Variants in DMGDH observed in about 807,000 individuals in gnomAD.
The protein encoded by DMGDH is dimethylglycine dehydrogenase, mitochondrial.
A neutral mutation model predicts 95.2 loss-of-function variants in DMGDH; 76 were observed. The observed-to-expected ratio is 0.80, with a 90% confidence interval of 0.66 to 0.97. DMGDH has a LOEUF of 0.97. Ranked by LOEUF, DMGDH falls within the 50% of genes least tolerant of loss-of-function variation. The pLI, the probability that DMGDH is intolerant of heterozygous loss-of-function variation, is 0.00. For synonymous variants in DMGDH, 345 were observed against 377.6 expected, an observed-to-expected ratio of 0.91 and a Z score of 1.00; for missense variants, 987 against 1,055.0, an observed-to-expected ratio of 0.94 and a Z score of 0.89.
In DMGDH at chr5:79,036,498, T is replaced by C. The variant is rs79433542; in HGVS notation, c.1194-3090A>G. Among the ~76,000 whole-genome samples, 1,322 of 152,344 alleles carry C rather than the reference T, an allele frequency of 8.7e-3. 19 individuals carry two copies. The highest frequency in any genetic ancestry group is 0.03 in the African/African-American group (1,264 of 41,574). On this transcript the variant is annotated intron_variant, in intron 7 of 15. Transcript: ENST00000255189. ...GCCAAGAAAATCAGATTCAATTAAA[T>C]ACAATTCATAAGACTTTTTTGGGCA...
chr5:79,054,152 A>T (rs1754948785), intron 4 of DMGDH, 32 bp downstream of exon 4: 1 of 1,610,996 alleles, frequency 6.2e-7, no homozygotes, highest in East Asian at 2.2e-5. Context: ...ACTTAAGTCA[A>T]CAAATGGTAA....
At chr5:79,004,673 TAA>T (rs767310018) in intron 15 of DMGDH, among the ~76,000 whole-genome samples, 75 of 152,166 alleles carry the variant, frequency 4.9e-4, no homozygotes, top group Non-Finnish European at 7.6e-4. Context: ...ATGGAGAAAA[TAA>T]AGTCCCATTG....
chr5:78,999,642 A>T lies in DMGDH; in HGVS notation c.2386-1345T>A, dbSNP rs117695636. Among the ~76,000 whole-genome samples the T allele has an allele frequency of 9.7e-4, 148 of 152,298 alleles. No homozygotes were observed. In the East Asian group the frequency reaches 0.025, roughly 26 times the overall value. ...GCCACCACGCCCGGCTGTTCTCCAT[A>T]TGATTTCTAAACTTACTGTGAAAAC... is the stretch of plus-strand genomic sequence containing the variant. On this transcript the variant is annotated intron_variant, in intron 15 of 15. Transcript: ENST00000255189.
At chr5:79,004,962 G>A (rs1292009554) in intron 15 of DMGDH, among the ~76,000 whole-genome samples, 1 of 152,196 alleles carries the variant, frequency 6.6e-6, no homozygotes, top group Non-Finnish European at 1.5e-5. Context: ...TTACAGACAT[G>A]GATGTGGTGA....
At chr5:79,009,087 T>C (rs868262003) in intron 14 of DMGDH, among the ~76,000 whole-genome samples, 2 of 152,202 alleles carry the variant, frequency 1.3e-5, no homozygotes, top group South Asian at 2.1e-4. Flanking sequence ...AAAGAATGTT[T>C]CTTTTAAATT....
intron 6 of DMGDH, among the ~76,000 whole-genome samples, chr5:79,042,943 C>G (rs1052250639): frequency 6.6e-6 from 1 of 151,984 alleles, no homozygotes; most frequent in Non-Finnish European, 1.5e-5. Flanking sequence ...GATTTTAGAC[C>G]CCTTTTAACT....
chr5:79,020,612 A>C, intron 14 of DMGDH: 2 of 939,440 alleles, frequency 2.1e-6, no homozygotes, highest in Non-Finnish European at 2.5e-6. Flanking sequence ...TTATGCTTTA[A>C]ATATTTCTTC....
Position 79,030,850 on chromosome 5 carries a change from C to G in DMGDH, c.1666G>C (p.Ala556Pro), listed in dbSNP as rs374051361. Residue 556 changes from alanine (A) to proline (P), a missense_variant, in exon 10 of 16, where the codon GCA (alanine) becomes CCA (proline). Transcript: ENST00000255189. Reference protein sequence around the residue: ...DSIRLLDHLFANVIPKVGFTN... With the variant: ...DSIRLLDHLFPNVIPKVGFTN... ...CTATTTACCTTTGGAATGACATTTGCAAAGAGATGGTCCAGTAGTCTAATG... is the reference window on the plus strand; with the variant it reads ...CTATTTACCTTTGGAATGACATTTGGAAAGAGATGGTCCAGTAGTCTAATG... 2.5e-6 allele frequency: 4 copies of G among 1,613,900 alleles called. No individual in the cohort carries two copies. The African/African-American group carries it at 5.3e-5, about 22-fold the overall frequency.
At chr5:79,022,159 T>C (rs1210640180) in intron 14 of DMGDH, among the ~76,000 whole-genome samples, 2 of 152,198 alleles carry the variant, frequency 1.3e-5, no homozygotes, top group African/African-American at 4.8e-5. Context: ...TTTTGCTGTG[T>C]TTGTTTTGGT....
intron 4 of DMGDH, among the ~76,000 whole-genome samples, chr5:79,053,221 T>C (rs1177305517): frequency 6.6e-6 from 1 of 152,160 alleles, no homozygotes; most frequent in Non-Finnish European, 1.5e-5. Context: ...AGTGTAATCA[T>C]AGCTCACTAT....
chr5:79,026,575 A>G lies in DMGDH; in HGVS notation c.2039T>C (p.Leu680Pro). 6.2e-7 allele frequency: 1 copy of G among 1,614,104 alleles called. No individual in the cohort carries two copies. Among genetic ancestry groups the G allele is most frequent in the Non-Finnish European group, 8.5e-7 (1 of 1,180,002 alleles). ...TCTTCTGTGATACAGCTCCCAACCC[A>G]GCTCACCTGAAATAAACCCACAGGT... ...TAIRISYTGELGWELYHRRED... is the reference protein window; with the variant it reads ...TAIRISYTGEPGWELYHRRED... The change falls in exon 13 of 16, where the codon CTG (leucine) becomes CCG (proline). Residue 680 changes from leucine to proline, a missense_variant. Transcript: ENST00000255189.
chr5:79,039,696 T>A (rs1419695016), intron 7 of DMGDH, among the ~76,000 whole-genome samples: 1 of 151,818 alleles, frequency 6.6e-6, no homozygotes, highest in Non-Finnish European at 1.5e-5. Context: ...ACCCTAAAAC[T>A]TAAAGTATAA....
intron 14 of DMGDH, among the ~76,000 whole-genome samples, chr5:79,021,886 T>C (rs1753876855): frequency 1.3e-5 from 2 of 152,092 alleles, no homozygotes; most frequent in African/African-American, 4.8e-5. Context: ...GAGGGTGGCG[T>C]TCGACCTAAG....
intron 7 of DMGDH, among the ~76,000 whole-genome samples, chr5:79,037,677 T>C (rs1365955107): frequency 6.6e-6 from 1 of 152,188 alleles, no homozygotes; most frequent in Non-Finnish European, 1.5e-5. Flanking sequence ...AGGTTATAAG[T>C]AACTTGTTCT....
At chr5:79,062,701 C>T (rs145647974) in intron 2 of DMGDH, among the ~76,000 whole-genome samples, 1,706 of 152,244 alleles carry the variant, frequency 0.011, 24 homozygotes, top group Non-Finnish European at 0.014. Flanking sequence ...GCAAGACTGA[C>T]TTGGCCTGTG....
At chr5:79,003,864 T>C (rs1753497550) in intron 15 of DMGDH, among the ~76,000 whole-genome samples, 1 of 152,028 alleles carries the variant, frequency 6.6e-6, no homozygotes, top group African/African-American at 2.4e-5. Flanking sequence ...GGAGAATCAC[T>C]TGAACCCGGG....
intron 15 of DMGDH, 88 bp downstream of exon 15, chr5:79,005,185 C>T: frequency 6.4e-7 from 1 of 1,572,298 alleles, no homozygotes; most frequent in Non-Finnish European, 8.7e-7. Context: ...TAATTAATAG[C>T]AAAAGGGTTT....
intron 14 of DMGDH, among the ~76,000 whole-genome samples, chr5:79,022,492 G>GA (rs1753894443): frequency 6.6e-6 from 1 of 152,172 alleles, no homozygotes; most frequent in Non-Finnish European, 1.5e-5. Context: ...TGACATAATT[G>GA]AAAAAGACTG....
chr5:79,012,205 A>C (rs1753659170), intron 14 of DMGDH, among the ~76,000 whole-genome samples: 1 of 152,206 alleles, frequency 6.6e-6, no homozygotes, highest in Non-Finnish European at 1.5e-5. Context: ...ACATCAGCCA[A>C]AAGAAAGGAG....
Sources: gnomAD v4.1 joint callset for allele counts (sites outside exome capture counted in the v4.1 genomes callset) on GRCh38, gnomAD v4.1.1 for gene constraint, MANE v1.5 for transcripts, NCBI Gene and HGNC (gene_info 2026-07-23, HGNC 2026-07-21) for gene names.